The following FAM13A variants were observed in gnomAD, a reference collection of about 807,000 sequenced individuals.
The protein encoded by FAM13A is family with sequence similarity 13 member A.
FAM13A carries 76 observed loss-of-function variants against 129.6 expected under a neutral mutation model. The ratio of observed to expected loss-of-function variants is 0.59; its 90% CI spans 0.49 to 0.71. The LOEUF is 0.71. Among genes scored for constraint, FAM13A ranks in the 30% least tolerant of loss-of-function variants. FAM13A has a pLI of 0.00. For synonymous variants in FAM13A, 443 were observed against 449.9 expected (o/e 0.98, Z 0.20); for missense variants, 1,108 against 1,249.3 (o/e 0.89, Z 1.70).
rs537492898 is a variant in FAM13A at position 88,919,068 on chromosome 4, C to T, written c.760-12606G>A. Reference sequence around the variant, plus strand: ...TTTACAGAACCTTCCATTAACTACTCTGACACTATTTTCCCATAAATAGCT... The same window carrying T: ...TTTACAGAACCTTCCATTAACTACTTTGACACTATTTTCCCATAAATAGCT... On this transcript the variant is annotated intron_variant, in intron 5 of 23. Transcript: ENST00000264344. Among the ~76,000 whole-genome samples the T allele has an allele frequency of 5.6e-4, 86 of 152,342 alleles. No individual in the cohort carries two copies. In the South Asian group the frequency reaches 7.9e-3, roughly 14 times the overall value.
chr4:88,945,990 G>GTGTGTGTATA, intron 4 of FAM13A, among the ~76,000 whole-genome samples: 20 of 61,948 alleles, frequency 3.2e-4, no homozygotes, highest in South Asian at 1.2e-3. Flanking sequence ...GTGTGTGTGT[G>GTGTGTGTATA]TATATATATA....
intron 6 of FAM13A, among the ~76,000 whole-genome samples, chr4:88,854,413 CAT>C (rs1324513654): frequency 6.6e-6 from 1 of 152,210 alleles, no homozygotes; most frequent in Non-Finnish European, 1.5e-5. Flanking sequence ...TCTCTCATAA[CAT>C]GTGGCTGAAG....
chr4:88,880,785 G>GGGC (rs1743407858), intron 6 of FAM13A, among the ~76,000 whole-genome samples: 3 of 20,504 alleles, frequency 1.5e-4, no homozygotes, highest in African/African-American at 3.8e-4. Flanking sequence ...GTGGGGGGCG[G>GGGC]GGGGGGGGGG....
At chr4:88,733,504 G>A (rs531653852) in intron 21 of FAM13A, among the ~76,000 whole-genome samples, 3 of 152,218 alleles carry the variant, frequency 2.0e-5, no homozygotes, top group East Asian at 1.9e-4. Context: ...AATTCCCATC[G>A]ACGTAGTTTT....
intron 4 of FAM13A, among the ~76,000 whole-genome samples, chr4:88,979,234 T>C (rs1560628996): frequency 6.6e-6 from 1 of 152,210 alleles, no homozygotes. Context: ...GGAGACACAT[T>C]CACGTATTGC....
chr4:88,767,648 A>T, intron 12 of FAM13A, 53 bp from the exon 13 acceptor site: 2 of 1,393,118 alleles, frequency 1.4e-6, no homozygotes, highest in East Asian at 4.7e-5. Context: ...TTGTTTTATA[A>T]CGTTTTTCAT....
chr4:88,750,483 C>T lies in FAM13A; in HGVS notation c.1881G>A (p.Arg627=), dbSNP rs1364398261. The T allele has an allele frequency of 7.4e-6, 12 of 1,614,164 alleles. No homozygotes were observed. Among genetic ancestry groups the T allele is most frequent in the Non-Finnish European group, 8.5e-6 (10 of 1,180,040 alleles). The change falls in exon 15 of 24, where the codon AGG becomes AGA. Residue 627 remains arginine, a synonymous_variant. Coordinates refer to ENST00000264344, the MANE Select transcript of FAM13A (RefSeq NM_014883.4). ...GCACTTCTGTGTCATCCAGGTATTG[C>T]CTGCTCTGCCCATAAGCGTAGAACC... ...SPRFYAYGQS[R]QYLDDTEVPP...
At chr4:88,873,347 C>T (rs988394679) in intron 6 of FAM13A, among the ~76,000 whole-genome samples, 1 of 152,016 alleles carries the variant, frequency 6.6e-6, no homozygotes, top group African/African-American at 2.4e-5. Context: ...TTAATGAATC[C>T]AGGAGCTGGT....
chr4:88,993,711 T>C (rs922397551), intron 3 of FAM13A, among the ~76,000 whole-genome samples: 2 of 152,098 alleles, frequency 1.3e-5, no homozygotes, highest in African/African-American at 4.8e-5. Context: ...CATAAAATCA[T>C]TTATGGCGGC....
chr4:88,940,545 A>T (rs1479446036), intron 4 of FAM13A, among the ~76,000 whole-genome samples: 1 of 152,254 alleles, frequency 6.6e-6, no homozygotes, highest in Non-Finnish European at 1.5e-5. Flanking sequence ...ACATGATTTT[A>T]AAAATTTTCA....
intron 2 of FAM13A, among the ~76,000 whole-genome samples, chr4:89,021,787 A>G (rs1232253500): frequency 6.6e-6 from 1 of 152,216 alleles, no homozygotes; most frequent in Non-Finnish European, 1.5e-5. Flanking sequence ...AAAACAAAGA[A>G]TAAAGATGAT....
intron 5 of FAM13A, among the ~76,000 whole-genome samples, chr4:88,926,428 A>C (rs572492141): frequency 6.6e-6 from 1 of 152,344 alleles, no homozygotes; most frequent in South Asian, 2.1e-4. Flanking sequence ...AATGATTTAA[A>C]GTAGTCAGCT....
chr4:88,946,398 G>A (rs542596950), intron 4 of FAM13A, among the ~76,000 whole-genome samples: 82 of 81,834 alleles, frequency 1.0e-3, no homozygotes, highest in African/African-American at 3.9e-3. Flanking sequence ...TTGCTCCCGC[G>A]TTCTTTTTTT....
intron 8 of FAM13A, among the ~76,000 whole-genome samples, chr4:88,802,688 C>T (rs2149732433): frequency 6.6e-6 from 1 of 152,278 alleles, no homozygotes; most frequent in East Asian, 1.9e-4. Flanking sequence ...GTTCCTGCAT[C>T]CCTTTCTTCT....
At chr4:88,902,978 T>C (rs946436977) in intron 6 of FAM13A, among the ~76,000 whole-genome samples, 1 of 151,924 alleles carries the variant, frequency 6.6e-6, no homozygotes, top group African/African-American at 2.4e-5. Flanking sequence ...AGCCAAATAA[T>C]GAATGAACTC....
At chr4:88,885,885 T>C (rs911516169) in intron 6 of FAM13A, among the ~76,000 whole-genome samples, 4 of 148,900 alleles carry the variant, frequency 2.7e-5, no homozygotes, top group African/African-American at 9.9e-5. Context: ...AAAGAAGATA[T>C]ACAAATGGCC....
chr4:88,962,520 G>A (rs1758769394), intron 4 of FAM13A, among the ~76,000 whole-genome samples: 1 of 152,202 alleles, frequency 6.6e-6, no homozygotes, highest in Non-Finnish European at 1.5e-5. Flanking sequence ...ATCTGAGTAA[G>A]GGGTGGTCAG....
At chr4:88,852,246 C>T (rs746407602) in intron 6 of FAM13A, among the ~76,000 whole-genome samples, 2 of 151,938 alleles carry the variant, frequency 1.3e-5, no homozygotes, top group African/African-American at 2.4e-5. Flanking sequence ...ACTGCAACCC[C>T]CACCTCCTGG....
chr4:88,748,083 G>A (rs1266961113), intron 17 of FAM13A, among the ~76,000 whole-genome samples: 1 of 151,942 alleles, frequency 6.6e-6, no homozygotes, highest in Non-Finnish European at 1.5e-5. Context: ...TAGTAGAGAC[G>A]GGGTTTCACC....
Sources: gnomAD v4.1 joint callset for allele counts (sites outside exome capture counted in the v4.1 genomes callset) on GRCh38, gnomAD v4.1.1 for gene constraint, MANE v1.5 for transcripts, NCBI Gene and HGNC (gene_info 2026-07-23, HGNC 2026-07-21) for gene names.